Variants in DACH2 observed in about 807,000 individuals in gnomAD.
DACH2 encodes the protein dachshund family transcription factor 2.
A neutral mutation model predicts 35.8 loss-of-function variants in DACH2; 17 were observed. That is an observed-to-expected ratio of 0.48 (90% CI 0.33 to 0.71). The LOEUF (loss-of-function observed/expected upper bound fraction) is 0.71, where lower values mean the gene tolerates loss of function less well. DACH2 is among the 30% of genes least tolerant of loss of function. The probability of loss-of-function intolerance (pLI) is 0.02; values close to 1 mark genes in which losing one functional copy is unlikely to be tolerated. For synonymous variants in DACH2, 195 were observed against 177.3 expected, an observed-to-expected ratio of 1.10 and a Z score of -0.79; for missense variants, 469 against 472.7, an observed-to-expected ratio of 0.99 and a Z score of 0.07.
intron 1 of DACH2, among the ~76,000 whole-genome samples, chrX:86,245,718 C>T (rs1173740833): frequency 8.9e-6 from 1 of 111,822 alleles, no homozygotes. Context: ...TGAATATCAG[C>T]CCACACAGGA....
chrX:86,672,580 G>A (rs2040777116), intron 4 of DACH2, among the ~76,000 whole-genome samples: 1 of 112,306 alleles, frequency 8.9e-6, no homozygotes, highest in South Asian at 3.7e-4. Flanking sequence ...TCCAGAGGGT[G>A]AAAGTTGTTG....
chrX:86,676,915 T>A (rs755943464), intron 4 of DACH2, among the ~76,000 whole-genome samples: 1 of 111,480 alleles, frequency 9.0e-6, no homozygotes, highest in Non-Finnish European at 1.9e-5. Flanking sequence ...AGTTACATAT[T>A]CTAAATTTAT....
chrX:86,765,698 G>GTTTTTTTTTTTTTTTTTTTTTTTTTTTT (rs60709865), intron 7 of DACH2, among the ~76,000 whole-genome samples: 1 of 24,637 alleles, frequency 4.1e-5, no homozygotes, highest in African/African-American at 1.7e-4. Flanking sequence ...TTGTTTTTTG[G>GTTTTTTTTTTTTTTTTTTTTTTTTTTTT]TTTTTTTTTT....
intron 1 of DACH2, among the ~76,000 whole-genome samples, chrX:86,355,140 C>T (rs750715024): frequency 6.0e-4 from 67 of 111,622 alleles, no homozygotes; most frequent in Non-Finnish European, 9.0e-4. Context: ...CCCACTTATA[C>T]GTGAACATAC....
chrX:86,471,782 T>A (rs1007140997), intron 2 of DACH2, among the ~76,000 whole-genome samples: 1 of 111,475 alleles, frequency 9.0e-6, no homozygotes, highest in African/African-American at 3.3e-5. Context: ...TCTGGTTAGA[T>A]AGGTGAAATA....
At chrX:86,368,852 C>A (rs926201621) in intron 1 of DACH2, among the ~76,000 whole-genome samples, 1 of 110,837 alleles carries the variant, frequency 9.0e-6, no homozygotes, top group Non-Finnish European at 1.9e-5. Flanking sequence ...TAAGTTAATT[C>A]TTTGCAGTGC....
At chrX:86,364,956 A>G (rs2035786863) in intron 1 of DACH2, among the ~76,000 whole-genome samples, 1 of 111,515 alleles carries the variant, frequency 9.0e-6, no homozygotes, top group South Asian at 3.7e-4. Flanking sequence ...TTGATAAGAT[A>G]AAAGGGTAAC....
At chrX:86,321,931 G>A (rs1335844808) in intron 1 of DACH2, among the ~76,000 whole-genome samples, 1 of 111,385 alleles carries the variant, frequency 9.0e-6, no homozygotes, top group East Asian at 2.8e-4. Context: ...ATTTCTTGTA[G>A]GAGTAGTATT....
chrX:86,795,484 T>G (rs1464615873), intron 7 of DACH2, among the ~76,000 whole-genome samples: 1 of 110,576 alleles, frequency 9.0e-6, no homozygotes, highest in African/African-American at 3.3e-5. Context: ...CCACCTGCCT[T>G]GGCCTCCCAA....
At chrX:86,331,661 A>G (rs1258611149) in intron 1 of DACH2, among the ~76,000 whole-genome samples, 2 of 111,479 alleles carry the variant, frequency 1.8e-5, no homozygotes, top group Non-Finnish European at 3.8e-5. Flanking sequence ...CAACACTTCT[A>G]TTGATTGATA....
chrX:86,292,181 C>A (rs2034314980), intron 1 of DACH2, among the ~76,000 whole-genome samples: 1 of 81,510 alleles, frequency 1.2e-5, no homozygotes, highest in Non-Finnish European at 2.3e-5. Flanking sequence ...GGAATTTATC[C>A]ATTTCTTCTA....
chrX:86,241,802 A>T (rs1423435474), intron 1 of DACH2, among the ~76,000 whole-genome samples: 2 of 112,293 alleles, frequency 1.8e-5, no homozygotes, highest in Non-Finnish European at 3.8e-5. Flanking sequence ...GATGCCCTGC[A>T]CTGCTTCAGG....
intron 2 of DACH2, among the ~76,000 whole-genome samples, chrX:86,461,839 TA>T (rs1170607714): frequency 2.7e-5 from 3 of 112,029 alleles, no homozygotes; most frequent in African/African-American, 6.4e-5. Flanking sequence ...TATTGTGCTT[TA>T]TTTTTTTGAA....
At chrX:86,687,655 A>G (rs1172804230) in intron 4 of DACH2, among the ~76,000 whole-genome samples, 1 of 111,768 alleles carries the variant, frequency 8.9e-6, no homozygotes, top group South Asian at 3.7e-4. Flanking sequence ...ATGTCCATCA[A>G]TGATAGACTG....
intron 7 of DACH2, among the ~76,000 whole-genome samples, chrX:86,749,118 G>C (rs1339965100): frequency 8.9e-6 from 1 of 112,044 alleles, no homozygotes; most frequent in Non-Finnish European, 1.9e-5. Context: ...TTAAAGAAAT[G>C]TTGTGACTTG....
chrX:86,301,268 C>T (rs541464024), intron 1 of DACH2, among the ~76,000 whole-genome samples: 2 of 111,929 alleles, frequency 1.8e-5, no homozygotes, highest in South Asian at 7.4e-4. Context: ...TCCAGCAAGA[C>T]AATGGATTGT....
intron 3 of DACH2, among the ~76,000 whole-genome samples, chrX:86,579,838 G>A (rs1406266118): frequency 8.9e-6 from 1 of 112,353 alleles, no homozygotes; most frequent in East Asian, 2.8e-4. Flanking sequence ...AAATTAGTTA[G>A]CACTTTGCTT....
At chrX:86,706,399 C>A (rs973877159) in intron 5 of DACH2, among the ~76,000 whole-genome samples, 1 of 109,789 alleles carries the variant, frequency 9.1e-6, no homozygotes, top group South Asian at 3.8e-4. Flanking sequence ...TTTTTAGTAC[C>A]CTTAAAGTAG....
chrX:86,531,917 A>G (rs1209892571), intron 3 of DACH2, among the ~76,000 whole-genome samples: 1 of 113,041 alleles, frequency 8.8e-6, no homozygotes. Context: ...GAGCTGCCCA[A>G]GTTCTTGGGA....
Sources: gnomAD v4.1 joint callset for allele counts (sites outside exome capture counted in the v4.1 genomes callset) on GRCh38, gnomAD v4.1.1 for gene constraint, MANE v1.5 for transcripts, NCBI Gene and HGNC (gene_info 2026-07-23, HGNC 2026-07-21) for gene names.